Variants in TFCP2L1 observed in about 807,000 individuals in gnomAD.
TFCP2L1 encodes the protein transcription factor CP2 like 1, also known as transcription factor CP2-like protein 1.
TFCP2L1 carries 12 observed loss-of-function variants against 72.2 expected under a neutral mutation model. The ratio of observed to expected loss-of-function variants is 0.17; its 90% confidence interval spans 0.11 to 0.27. The LOEUF is 0.27. Ranked by LOEUF, TFCP2L1 falls within the 10% of genes least tolerant of loss-of-function variation. The pLI, the probability that TFCP2L1 is intolerant of heterozygous loss-of-function variation, is 1.00. For synonymous variants in TFCP2L1, 260 were observed against 251.0 expected (o/e 1.04, Z -0.34); for missense variants, 488 against 624.6 (o/e 0.78, Z 2.33).
rs114115101 is a variant in TFCP2L1 at position 121,236,047 on chromosome 2, G to A, written c.1004-736C>T. Among the ~76,000 whole-genome samples the A allele has an allele frequency of 1.7e-3, 252 of 152,218 alleles. 1 individual carries two copies. Among genetic ancestry groups the A allele is most frequent in the South Asian group, 3.5e-3 (17 of 4,808 alleles). ...TCTTCCTGGTCTGGCTTCCCTCCCC[G>A]CAAGTCATGTTTCACGGTGCATTTG... On this transcript the variant is annotated intron_variant, in intron 10 of 14. Coordinates refer to ENST00000263707, the MANE Select transcript of TFCP2L1 (RefSeq NM_014553.3).
At chr2:121,255,349 T>C (rs888232646) in intron 2 of TFCP2L1, among the ~76,000 whole-genome samples, 2 of 152,136 alleles carry the variant, frequency 1.3e-5, no homozygotes, top group East Asian at 1.9e-4. Context: ...CCTGTTCTAA[T>C]TTAGGAATTG....
chr2:121,260,759 G>A (rs1686815840), intron 2 of TFCP2L1, among the ~76,000 whole-genome samples: 2 of 152,214 alleles, frequency 1.3e-5, no homozygotes, highest in Non-Finnish European at 2.9e-5. Context: ...CCCACCAGGT[G>A]CTCCTGCAGA....
intron 10 of TFCP2L1, among the ~76,000 whole-genome samples, 177 bp from the exon 11 acceptor site, chr2:121,235,488 AAGTGCC>A (rs1261572027): frequency 5.3e-5 from 8 of 151,824 alleles, no homozygotes; most frequent in Non-Finnish European, 1.2e-4. Context: ...GCAGCCCAGG[AAGTGCC>A]AGTGCTCACA....
chr2:121,278,862 G>A (rs1324550512), intron 2 of TFCP2L1, among the ~76,000 whole-genome samples: 1 of 151,456 alleles, frequency 6.6e-6, no homozygotes, highest in African/African-American at 2.4e-5. Context: ...AAATTAGCTG[G>A]GTGTGGTAGC....
intron 2 of TFCP2L1, among the ~76,000 whole-genome samples, chr2:121,254,850 C>T (rs1686684567): frequency 6.6e-6 from 1 of 151,824 alleles, no homozygotes. Flanking sequence ...CACAGCCAGG[C>T]AGAGGGGGAG....
At chr2:121,262,835 T>A (rs1686851942) in intron 2 of TFCP2L1, among the ~76,000 whole-genome samples, 1 of 152,216 alleles carries the variant, frequency 6.6e-6, no homozygotes, top group Non-Finnish European at 1.5e-5. Flanking sequence ...CATATGAACA[T>A]CGACATGCTC....
At chr2:121,284,542 T>A (rs1687326926) in intron 1 of TFCP2L1, among the ~76,000 whole-genome samples, 2 of 152,170 alleles carry the variant, frequency 1.3e-5, no homozygotes, top group Non-Finnish European at 2.9e-5. Context: ...TGGGGCGGCC[T>A]GCCCCTCCGA....
At position 121,237,836 on chromosome 2, in the gene TFCP2L1, G is replaced by A; in HGVS notation, c.875C>T (p.Thr292Ile). The change falls in exon 9 of 15, where the codon ACC becomes ATC. Residue 292 changes from threonine to isoleucine, a missense_variant. Thr to Ile is a moderately conservative substitution (Grantham distance 89, BLOSUM62 -1). Transcript: ENST00000263707. ...CACGGGCAGGGCCTCCACCGGGTGG[G>A]TCGGAGAGGCGTTGCTGCAAGGAAA... ...FGLGEGNASP[T>I]HPVEALPVGS... is the part of the protein sequence containing the mutation. 2 of 1,614,112 alleles carry A rather than the reference G, an allele frequency of 1.2e-6. No individual in the cohort carries two copies. The highest frequency in any genetic ancestry group is 1.7e-6 in the Non-Finnish European group (2 of 1,180,022).
chr2:121,280,053 A>G (rs1573401393), intron 2 of TFCP2L1, among the ~76,000 whole-genome samples: 1 of 152,204 alleles, frequency 6.6e-6, no homozygotes, highest in East Asian at 1.9e-4. Flanking sequence ...ACCATCCATC[A>G]GGACACTTGC....
intron 2 of TFCP2L1, among the ~76,000 whole-genome samples, chr2:121,271,980 C>CA (rs1295908758): frequency 3.3e-5 from 5 of 152,116 alleles, no homozygotes; most frequent in African/African-American, 1.2e-4. Context: ...TCCTTCCCCC[C>CA]ACAAAGCTTC....
Position 121,224,087 on chromosome 2 carries a change from A to G in TFCP2L1, c.*254T>C, listed in dbSNP as rs1429697800. 2 of 564,142 alleles carry G rather than the reference A, an allele frequency of 3.5e-6. No homozygotes were observed. The highest frequency in any genetic ancestry group is 1.9e-5 in the African/African-American group (1 of 53,170). The allele number at this position is 564,142 out of a possible 1,614,324, so 34.9% of individuals were successfully genotyped here. A position where few individuals can be genotyped will look rare whatever the true frequency, so the allele number is the denominator to read the frequency against. On this transcript the variant is annotated 3_prime_UTR_variant, in exon 15 of 15. Coordinates refer to ENST00000263707, the MANE Select transcript of TFCP2L1 (RefSeq NM_014553.3). ...CTTTTAGAACGTCAGGGTTGGACCA[A>G]TAGAAAAGAACAAGGAACCATTCAA...
intron 11 of TFCP2L1, among the ~76,000 whole-genome samples, chr2:121,234,525 G>A (rs957928498): frequency 2.6e-5 from 4 of 152,210 alleles, no homozygotes; most frequent in Non-Finnish European, 5.9e-5. Context: ...AAGGGAGCTA[G>A]GACTATCGCT....
At chr2:121,239,345 A>T (rs545377782) in intron 8 of TFCP2L1, among the ~76,000 whole-genome samples, 1 of 152,156 alleles carries the variant, frequency 6.6e-6, no homozygotes, top group Non-Finnish European at 1.5e-5. Context: ...TCACCAGGTA[A>T]GTTCTGGGCC....
At chr2:121,267,676 G>T (rs1192068443) in intron 2 of TFCP2L1, among the ~76,000 whole-genome samples, 1 of 151,992 alleles carries the variant, frequency 6.6e-6, no homozygotes, top group African/African-American at 2.4e-5. Context: ...TATATTTTTA[G>T]TAGAGATGGG....
At chr2:121,268,318 AT>A (rs1686973722) in intron 2 of TFCP2L1, among the ~76,000 whole-genome samples, 1 of 151,846 alleles carries the variant, frequency 6.6e-6, no homozygotes, top group South Asian at 2.1e-4. Context: ...AAATATTTAC[AT>A]TTTTTTTAAG....
At chr2:121,282,070 T>C (rs1411757352) in intron 1 of TFCP2L1, among the ~76,000 whole-genome samples, 1 of 151,820 alleles carries the variant, frequency 6.6e-6, no homozygotes, top group Non-Finnish European at 1.5e-5. Context: ...GTAGCTGGGA[T>C]TATAGGAATG....
At chr2:121,275,770 C>A (rs1687134789) in intron 2 of TFCP2L1, among the ~76,000 whole-genome samples, 1 of 152,026 alleles carries the variant, frequency 6.6e-6, no homozygotes, top group Admixed American at 6.5e-5. Flanking sequence ...GGGGTTTCAC[C>A]CCGTTGGCCA....
In TFCP2L1 at chr2:121,285,147, C is replaced by A; in HGVS notation, c.-38G>T. On this transcript the variant is annotated 5_prime_UTR_variant, in exon 1 of 15. Transcript: ENST00000263707. ...CAGCGCGCCGACCGGGGCGCGGCAG[C>A]AAGCGCAGACGCGGGGCGCGCCGAG... The A allele has an allele frequency of 6.9e-7, 1 of 1,456,258 alleles. No individual in the cohort carries two copies. The highest frequency in any genetic ancestry group is 9.1e-7 in the Non-Finnish European group (1 of 1,100,572). The allele number at this position is 1,456,258 out of a possible 1,614,324, so 90.2% of individuals were successfully genotyped here. A position where few individuals can be genotyped will look rare whatever the true frequency, so the allele number is the denominator to read the frequency against.
At chr2:121,239,481 C>T (rs956721011) in intron 8 of TFCP2L1, 77 bp downstream of exon 8, 10 of 1,513,100 alleles carry the variant, frequency 6.6e-6, no homozygotes, top group African/African-American at 4.1e-5. Flanking sequence ...GAGAGGAGAC[C>T]CAGAAAGGAA....
Sources: allele counts gnomAD v4.1 joint callset (sites outside exome capture counted in the v4.1 genomes callset), GRCh38; gene constraint gnomAD v4.1.1; transcripts MANE v1.5; gene names NCBI Gene and HGNC (gene_info 2026-07-23, HGNC 2026-07-21).